Variants in C12orf42 observed in about 807,000 individuals in gnomAD.
The protein encoded by C12orf42 is uncharacterized protein C12orf42.
Under a neutral mutation model 21.6 loss-of-function variants are expected in C12orf42, and 25 were observed. That is an observed-to-expected ratio of 1.16 (90% CI 0.84 to 1.62). The LOEUF is 1.62. C12orf42 is among the 40% of genes most tolerant of loss of function. The pLI is 0.00. For missense variants in C12orf42, 483 were observed against 459.3 expected (o/e 1.05, Z -0.47); for synonymous variants, 174 against 175.0 (o/e 0.99, Z 0.05).
chr12:103,196,469 G>A, the C12orf42 span, among the ~76,000 whole-genome samples: 1 of 152,116 alleles, frequency 6.6e-6, no homozygotes, highest in East Asian at 1.9e-4. Context: ...CAAGTACTGA[G>A]TTTATGTCCC....
the C12orf42 span, among the ~76,000 whole-genome samples, chr12:103,210,599 C>A: frequency 6.9e-6 from 1 of 144,342 alleles, no homozygotes; most frequent in African/African-American, 2.5e-5. Context: ...CTTCTGCTAC[C>A]ATTGGTAATA....
At chr12:103,420,575 G>T (rs1440872492) in intron 2 of C12orf42, among the ~76,000 whole-genome samples, 1 of 151,636 alleles carries the variant, frequency 6.6e-6, no homozygotes, top group Non-Finnish European at 1.5e-5. Context: ...TTTTACCCAG[G>T]CTGGAGTGCA....
the C12orf42 span, among the ~76,000 whole-genome samples, chr12:103,226,602 TG>T: frequency 6.6e-6 from 1 of 152,144 alleles, no homozygotes; most frequent in Non-Finnish European, 1.5e-5. Context: ...CTGGGCAGGT[TG>T]GGGAGGGCTA....
the C12orf42 span, among the ~76,000 whole-genome samples, chr12:103,189,984 T>G: frequency 1.3e-5 from 2 of 151,206 alleles, no homozygotes; most frequent in African/African-American, 4.9e-5. Flanking sequence ...TATATATATA[T>G]ACACACACAC....
chr12:103,343,499 C>A (rs955849122), intron 4 of C12orf42, among the ~76,000 whole-genome samples: 1 of 152,130 alleles, frequency 6.6e-6, no homozygotes, highest in Non-Finnish European at 1.5e-5. Flanking sequence ...CTTTCTGAGG[C>A]CGGGCATGGT....
intron 3 of C12orf42, among the ~76,000 whole-genome samples, chr12:103,385,478 C>T (rs2046531062): frequency 6.6e-6 from 1 of 152,146 alleles, no homozygotes; most frequent in African/African-American, 2.4e-5. Flanking sequence ...CAGATATGGT[C>T]TTCCTTGAGA....
At chr12:103,461,998 G>A (rs1952736573) in intron 2 of C12orf42, among the ~76,000 whole-genome samples, 1 of 151,500 alleles carries the variant, frequency 6.6e-6, no homozygotes, top group East Asian at 1.9e-4. Context: ...GGACTCAAGG[G>A]TAGATACAGC....
At chr12:103,115,683 A>G in the C12orf42 span, among the ~76,000 whole-genome samples, 2 of 152,228 alleles carry the variant, frequency 1.3e-5, no homozygotes, top group Non-Finnish European at 2.9e-5. Flanking sequence ...GTGCTCATTT[A>G]AGAACATAGA....
the C12orf42 span, among the ~76,000 whole-genome samples, chr12:103,095,181 C>A: frequency 6.6e-6 from 1 of 152,150 alleles, no homozygotes; most frequent in Non-Finnish European, 1.5e-5. Context: ...TTCAACACAG[C>A]AGCTGAAGTG....
chr12:103,209,762 G>T, the C12orf42 span, among the ~76,000 whole-genome samples: 1 of 152,116 alleles, frequency 6.6e-6, no homozygotes, highest in African/African-American at 2.4e-5. Flanking sequence ...TCCTCATTGT[G>T]CATGGCCAGT....
chr12:103,378,446 A>T (rs906726547), intron 3 of C12orf42, among the ~76,000 whole-genome samples: 1 of 152,108 alleles, frequency 6.6e-6, no homozygotes, highest in African/African-American at 2.4e-5. Flanking sequence ...TCTCCCTGAA[A>T]GTAGTAATGG....
the C12orf42 span, among the ~76,000 whole-genome samples, chr12:103,092,201 G>C: frequency 6.6e-6 from 1 of 152,226 alleles, no homozygotes; most frequent in East Asian, 1.9e-4. Flanking sequence ...ATAAGTCTTA[G>C]TCACTGGAGA....
the C12orf42 span, among the ~76,000 whole-genome samples, chr12:103,096,058 A>G: frequency 1.3e-5 from 2 of 152,184 alleles, no homozygotes; most frequent in African/African-American, 4.8e-5. Flanking sequence ...TCTGTCAGAC[A>G]CCAGGCACAT....
the C12orf42 span, among the ~76,000 whole-genome samples, chr12:103,116,370 GA>G: frequency 3.7e-3 from 480 of 128,648 alleles, 2 homozygotes; most frequent in Middle Eastern, 8.4e-3. Flanking sequence ...ATCTCACCAA[GA>G]AAAAAAAAAA....
intron 10 of C12orf42, among the ~76,000 whole-genome samples, chr12:103,239,253 G>A (rs2033611909): frequency 6.6e-6 from 1 of 152,094 alleles, no homozygotes; most frequent in African/African-American, 2.4e-5. Flanking sequence ...TATAATCATT[G>A]TCAGCATCAT....
intron 4 of C12orf42, among the ~76,000 whole-genome samples, chr12:103,296,409 T>C (rs1267713618): frequency 6.6e-6 from 1 of 152,224 alleles, no homozygotes; most frequent in Non-Finnish European, 1.5e-5. Flanking sequence ...AAATGGTATT[T>C]CTAGTTCTAG....
the C12orf42 span, among the ~76,000 whole-genome samples, chr12:103,508,737 G>A: frequency 6.6e-6 from 1 of 152,086 alleles, no homozygotes; most frequent in African/African-American, 2.4e-5. Flanking sequence ...GTATAGGATG[G>A]CCAATAACCT....
the C12orf42 span, among the ~76,000 whole-genome samples, chr12:103,132,796 C>CACCATGG: frequency 0.35 from 53,779 of 151,622 alleles, 9,966 homozygotes; most frequent in East Asian, 0.48. Context: ...CAGCAGCCAC[C>CACCATGG]GCTACCGCAG....
the C12orf42 span, among the ~76,000 whole-genome samples, chr12:103,110,484 C>A: frequency 1.3e-5 from 2 of 152,258 alleles, no homozygotes; most frequent in African/African-American, 4.8e-5. Flanking sequence ...TCTTCAGATC[C>A]ATTTCATTTA....
Sources: gnomAD v4.1 joint callset for allele counts (sites outside exome capture counted in the v4.1 genomes callset) on GRCh38, gnomAD v4.1.1 for gene constraint, MANE v1.5 for transcripts, NCBI Gene and HGNC (gene_info 2026-07-23, HGNC 2026-07-21) for gene names.